HDAC9: variants seen among roughly 807,000 people sequenced by gnomAD.
The protein encoded by HDAC9 is MEF-2 interacting transcription repressor (MITR) protein.
HDAC9 carries 41 observed loss-of-function variants against 139.4 expected under a neutral mutation model. That is an observed-to-expected ratio of 0.29 (90% CI 0.23 to 0.38). The LOEUF (loss-of-function observed/expected upper bound fraction) is 0.38, where lower values mean the gene tolerates loss of function less well. HDAC9 is among the 10% of genes least tolerant of loss of function. The pLI is 1.00. For synonymous variants in HDAC9, 517 were observed against 476.2 expected (o/e 1.09, Z -1.12); for missense variants, 1,147 against 1,297.0 (o/e 0.88, Z 1.78).
intron 17 of HDAC9, 108 bp from the exon 18 acceptor site, chr7:18,829,053 G>A: frequency 1.3e-6 from 1 of 799,758 alleles, no homozygotes; most frequent in Non-Finnish European, 2.3e-6. Context: ...TGAGACTTCA[G>A]TTTTGTGTGT....
intron 1 of HDAC9, among the ~76,000 whole-genome samples, chr7:18,369,715 T>TAGAAAAC (rs1784451952): frequency 1.3e-5 from 2 of 152,046 alleles, no homozygotes; most frequent in Non-Finnish European, 2.9e-5. Flanking sequence ...AGAAACAGTG[T>TAGAAAAC]TTCAAGGTTC....
chr7:18,869,920 C>T (rs1310605830), intron 21 of HDAC9, among the ~76,000 whole-genome samples: 2 of 149,448 alleles, frequency 1.3e-5, no homozygotes, highest in African/African-American at 4.9e-5. Flanking sequence ...CAGTCAATTT[C>T]CTTATTCCGG....
At chr7:18,115,904 T>G (rs1020048981) in intron 1 of HDAC9, among the ~76,000 whole-genome samples, 3 of 152,246 alleles carry the variant, frequency 2.0e-5, no homozygotes, top group African/African-American at 7.2e-5. Flanking sequence ...AACCTGTGGC[T>G]TCAAACTCAG....
chr7:18,666,565 T>A (rs1240024612), intron 12 of HDAC9, 89 bp downstream of exon 12: 1 of 1,524,518 alleles, frequency 6.6e-7, no homozygotes, highest in Non-Finnish European at 8.8e-7. Context: ...ATGGATATGA[T>A]TTCCTATCAG....
intron 17 of HDAC9, among the ~76,000 whole-genome samples, chr7:18,820,432 A>G (rs1222132710): frequency 6.6e-6 from 1 of 152,230 alleles, no homozygotes; most frequent in Non-Finnish European, 1.5e-5. Context: ...ATCTTATTTT[A>G]AAACATTTTC....
intron 2 of HDAC9, among the ~76,000 whole-genome samples, chr7:18,562,375 C>T (rs186473703): frequency 9.3e-4 from 142 of 152,076 alleles, no homozygotes; most frequent in Non-Finnish European, 1.5e-3. Flanking sequence ...CCTAATAAAC[C>T]ATAGCTTAAT....
intron 1 of HDAC9, among the ~76,000 whole-genome samples, chr7:18,338,782 A>G (rs1243529941): frequency 6.6e-6 from 1 of 151,520 alleles, no homozygotes. Context: ...CATATAATAA[A>G]TTGAGAAAGA....
chr7:18,669,305 A>G (rs1437635720), intron 12 of HDAC9, among the ~76,000 whole-genome samples: 1 of 151,856 alleles, frequency 6.6e-6, no homozygotes, highest in African/African-American at 2.4e-5. Context: ...AATTATGTCT[A>G]TTACAGTGAG....
chr7:18,384,866 A>G (rs1192494356), intron 1 of HDAC9, among the ~76,000 whole-genome samples: 1 of 152,044 alleles, frequency 6.6e-6, no homozygotes, highest in Non-Finnish European at 1.5e-5. Context: ...TCCTCATTCC[A>G]TCCCAGTAGC....
intron 2 of HDAC9, chr7:18,162,441 G>GA: frequency 8.0e-7 from 1 of 1,255,642 alleles, no homozygotes; most frequent in Non-Finnish European, 1.1e-6. Flanking sequence ...ATTTATGAAG[G>GA]AACTTTTTTT....
chr7:18,717,130 G>A (rs1784761899), intron 12 of HDAC9, among the ~76,000 whole-genome samples: 2 of 151,872 alleles, frequency 1.3e-5, no homozygotes, highest in South Asian at 4.2e-4. Context: ...GAGTACCTGG[G>A]GGCAATACTT....
chr7:18,355,985 G>C (rs532169930), intron 1 of HDAC9, among the ~76,000 whole-genome samples: 5 of 152,180 alleles, frequency 3.3e-5, no homozygotes, highest in Admixed American at 6.5e-5. Flanking sequence ...TCCAAAATTG[G>C]ATTATAGTGA....
chr7:18,134,146 T>C (rs1785230834), intron 1 of HDAC9, among the ~76,000 whole-genome samples: 2 of 152,084 alleles, frequency 1.3e-5, no homozygotes, highest in Admixed American at 1.3e-4. Context: ...CTTGGCACCA[T>C]AGTGTTCTCA....
chr7:18,437,778 A>AT (rs1156807625), intron 1 of HDAC9, among the ~76,000 whole-genome samples: 3 of 151,380 alleles, frequency 2.0e-5, no homozygotes, highest in East Asian at 1.9e-4. Flanking sequence ...GTTTAGTCCC[A>AT]AAAATGAAAA....
chr7:18,642,236 A>T lies in HDAC9; in HGVS notation c.913-2435A>T, dbSNP rs1381290857. Among the ~76,000 whole-genome samples the T allele has an allele frequency of 2.0e-5, 3 of 150,220 alleles. No individual in the cohort carries two copies. In the East Asian group the frequency reaches 6.1e-4, roughly 31 times the overall value. On this transcript the variant is annotated intron_variant, in intron 8 of 25. Transcript: ENST00000686413. ...ATGACTTGAAGATCCTGACATTTAT[A>T]AAGTCACCGGAGCTTTTTTCTTGTG...
chr7:18,382,878 T>C (rs1234496027), intron 1 of HDAC9, among the ~76,000 whole-genome samples: 5 of 152,182 alleles, frequency 3.3e-5, no homozygotes, highest in African/African-American at 1.2e-4. Context: ...TATCTGTATA[T>C]GTGTATGAGT....
At chr7:18,961,877 A>G (rs189924396) in intron 24 of HDAC9, among the ~76,000 whole-genome samples, 1 of 152,308 alleles carries the variant, frequency 6.6e-6, no homozygotes, top group African/African-American at 2.4e-5. Context: ...CTTAGCCTCT[A>G]AGTTACACTA....
intron 2 of HDAC9, among the ~76,000 whole-genome samples, chr7:18,573,191 G>A (rs1824870780): frequency 6.6e-6 from 1 of 152,122 alleles, no homozygotes; most frequent in South Asian, 2.1e-4. Context: ...AGAAACTAAA[G>A]ACATGGATAA....
intron 16 of HDAC9, among the ~76,000 whole-genome samples, chr7:18,777,066 A>G (rs1790832139): frequency 1.3e-5 from 2 of 151,820 alleles, no homozygotes; most frequent in African/African-American, 2.4e-5. Context: ...AGAGCTGGCT[A>G]TGGAGGTATA....
Sources: gnomAD v4.1 joint callset for allele counts (sites outside exome capture counted in the v4.1 genomes callset) on GRCh38, gnomAD v4.1.1 for gene constraint, MANE v1.5 for transcripts, NCBI Gene and HGNC (gene_info 2026-07-23, HGNC 2026-07-21) for gene names.